Variants in SPTLC3 observed in about 807,000 individuals in gnomAD.
SPTLC3 encodes serine palmitoyltransferase 3.
Under a neutral mutation model 59.3 loss-of-function variants are expected in SPTLC3, and 36 were observed. That is an observed-to-expected ratio of 0.61 (90% CI 0.47 to 0.80). SPTLC3 has a LOEUF of 0.80. Ranked by LOEUF, SPTLC3 falls within the 30% of genes least tolerant of loss-of-function variation. SPTLC3 has a pLI of 0.00. For synonymous variants in SPTLC3, 257 were observed against 240.8 expected (o/e 1.07, Z -0.62); for missense variants, 625 against 685.1 (o/e 0.91, Z 0.98).
At chr20:13,139,715 G>C (rs1405905368) in intron 9 of SPTLC3, among the ~76,000 whole-genome samples, 2 of 152,194 alleles carry the variant, frequency 1.3e-5, no homozygotes, top group Admixed American at 6.5e-5. Context: ...TGGTGAGTAA[G>C]AACCAGACTT....
At chr20:13,094,185 C>T (rs1989330965) in intron 6 of SPTLC3, among the ~76,000 whole-genome samples, 1 of 152,168 alleles carries the variant, frequency 6.6e-6, no homozygotes, top group Non-Finnish European at 1.5e-5. Context: ...TGGTGGTGGA[C>T]ATCTGAGTTC....
At chr20:13,067,530 G>A (rs8114046) in intron 2 of SPTLC3, among the ~76,000 whole-genome samples, 37,746 of 151,880 alleles carry the variant, frequency 0.25, 4,778 homozygotes, top group Middle Eastern at 0.33. Flanking sequence ...ATGGTCTTTC[G>A]AGGCATTTAC....
chr20:13,130,257 A>C (rs1010752146), intron 9 of SPTLC3, among the ~76,000 whole-genome samples: 1 of 152,162 alleles, frequency 6.6e-6, no homozygotes, highest in African/African-American at 2.4e-5. Context: ...TCTCAGGGTA[A>C]AGTTGCCCAG....
chr20:13,130,506 A>C (rs922300133), intron 9 of SPTLC3, among the ~76,000 whole-genome samples: 3 of 152,376 alleles, frequency 2.0e-5, no homozygotes, highest in Middle Eastern at 3.4e-3. Flanking sequence ...TACAGGAATA[A>C]GGTCAGTGTT....
Position 13,129,860 on chromosome 20 carries a change from T to G in SPTLC3, c.1279+3143T>G, listed in dbSNP as rs139129914. 1.6e-4 allele frequency among the ~76,000 whole-genome samples: 24 copies of G among 152,338 alleles called. 2 individuals are homozygous for G. In the East Asian group the frequency reaches 4.6e-3, roughly 29 times the overall value. On this transcript the variant is annotated intron_variant, in intron 9 of 11. Coordinates refer to ENST00000399002, the MANE Select transcript of SPTLC3 (RefSeq NM_018327.4). ...TTCCCTTGCTTCTCTCTCTTAGCCT[T>G]ATACCTAAAGAATTCTTTGGTTACT...
chr20:13,037,229 A>G (rs1986776562), intron 1 of SPTLC3, among the ~76,000 whole-genome samples: 1 of 152,160 alleles, frequency 6.6e-6, no homozygotes, highest in Admixed American at 6.6e-5. Context: ...CCCATTGGCC[A>G]AGACTGGTCT....
At chr20:13,026,930 C>T (rs1240056725) in intron 1 of SPTLC3, among the ~76,000 whole-genome samples, 1 of 152,194 alleles carries the variant, frequency 6.6e-6, no homozygotes, top group Non-Finnish European at 1.5e-5. Context: ...CAGTGCTCAA[C>T]CTTTGACTGA....
rs780117541 is a variant in SPTLC3, at chr20:13,049,009, A to C, written c.182A>C (p.His61Pro). 3 of 1,610,096 alleles carry C rather than the reference A, an allele frequency of 1.9e-6. No individual in the cohort carries two copies. The highest frequency in any genetic ancestry group is 2.5e-6 in the Non-Finnish European group (3 of 1,178,950). The change falls in exon 2 of 12, where the codon CAT becomes CCT. Residue 61 changes from histidine (H) to proline (P), a missense_variant. Physicochemically the swap from His to Pro is moderately conservative, Grantham distance 77. Coordinates refer to ENST00000399002, the MANE Select transcript of SPTLC3 (RefSeq NM_018327.4). Reference sequence around the variant, plus strand: ...GAATCGTTTGAGGAAGCACCCCTTCATGTTATGGTTTTCACTTACATGGGA... The same window carrying C: ...GAATCGTTTGAGGAAGCACCCCTTCCTGTTATGGTTTTCACTTACATGGGA... ...IVESFEEAPL[H>P]VMVFTYMGYG...
chr20:13,043,649 G>A (rs1451266068), intron 1 of SPTLC3, among the ~76,000 whole-genome samples: 1 of 152,104 alleles, frequency 6.6e-6, no homozygotes, highest in African/African-American at 2.4e-5. Flanking sequence ...GAATTATACT[G>A]TCTCTTACCT....
chr20:13,125,599 G>A (rs942658803), intron 8 of SPTLC3, among the ~76,000 whole-genome samples: 1 of 152,216 alleles, frequency 6.6e-6, no homozygotes. Flanking sequence ...ATCTGGGCTT[G>A]CTTCTGTACA....
At chr20:13,064,759 C>T (rs888240807) in intron 2 of SPTLC3, among the ~76,000 whole-genome samples, 1 of 152,158 alleles carries the variant, frequency 6.6e-6, no homozygotes, top group African/African-American at 2.4e-5. Context: ...TGGCCATTTT[C>T]ATTAAATCTA....
chr20:13,118,876 A>G (rs978400776), intron 8 of SPTLC3, among the ~76,000 whole-genome samples: 5 of 152,260 alleles, frequency 3.3e-5, no homozygotes, highest in Admixed American at 1.3e-4. Flanking sequence ...TGGCCCTGCC[A>G]TGAAATGCAC....
chr20:13,165,011 T>C lies in SPTLC3; in HGVS notation c.*144T>C. On this transcript the variant is annotated 3_prime_UTR_variant, in exon 12 of 12. Transcript: ENST00000399002. The stretch of plus-strand genomic sequence containing the variant: ...CTTGATTGAACTGAGGGAGACGTTG[T>C]TGTTTTTAATGTCTCCAGCTTGGAC... 1 of 616,210 alleles carries C rather than the reference T, an allele frequency of 1.6e-6. No individual in the cohort carries two copies. Among genetic ancestry groups the C allele is most frequent in the Admixed American group, 3.1e-5 (1 of 32,286 alleles). The allele number at this position is 616,210 out of a possible 1,614,324, so 38.2% of individuals were successfully genotyped here.
intron 9 of SPTLC3, among the ~76,000 whole-genome samples, chr20:13,139,391 A>G (rs911715453): frequency 3.9e-5 from 6 of 152,238 alleles, no homozygotes; most frequent in African/African-American, 1.4e-4. Context: ...CACAATAGAA[A>G]TTCATTTTTT....
At chr20:13,139,196 G>C (rs2038322360) in intron 9 of SPTLC3, among the ~76,000 whole-genome samples, 1 of 152,150 alleles carries the variant, frequency 6.6e-6, no homozygotes, top group African/African-American at 2.4e-5. Context: ...CTAGTAACAA[G>C]AGGTTGAGAA....
chr20:13,013,805 A>C (rs1985379162), intron 1 of SPTLC3, among the ~76,000 whole-genome samples: 1 of 152,132 alleles, frequency 6.6e-6, no homozygotes, highest in African/African-American at 2.4e-5. Flanking sequence ...CCAGTCCAAA[A>C]CCCAATGGCT....
chr20:13,015,775 A>C (rs1178035024), intron 1 of SPTLC3, among the ~76,000 whole-genome samples: 2 of 152,180 alleles, frequency 1.3e-5, no homozygotes, highest in Admixed American at 1.3e-4. Context: ...GTTTTCTATT[A>C]GTACATGAAC....
intron 1 of SPTLC3, among the ~76,000 whole-genome samples, chr20:13,038,113 A>T (rs2122460084): frequency 6.6e-6 from 1 of 150,808 alleles, no homozygotes; most frequent in South Asian, 2.1e-4. Context: ...TGTAAAAATC[A>T]TTTTCACCAT....
At chr20:13,109,666 A>C (rs993890195) in intron 6 of SPTLC3, among the ~76,000 whole-genome samples, 1 of 152,248 alleles carries the variant, frequency 6.6e-6, no homozygotes, top group African/African-American at 2.4e-5. Context: ...TCAGAAATCA[A>C]GGCTCAAAGT....
Sources: gnomAD v4.1 joint callset for allele counts (sites outside exome capture counted in the v4.1 genomes callset) on GRCh38, gnomAD v4.1.1 for gene constraint, MANE v1.5 for transcripts, NCBI Gene and HGNC (gene_info 2026-07-23, HGNC 2026-07-21) for gene names.